UGT1A6: variants seen among roughly 807,000 people sequenced by gnomAD.
The protein encoded by UGT1A6 is UDP glucuronosyltransferase family 1 member A6, also known as UDP-glucuronosyltransferase 1A6.
UGT1A6 carries 32 observed loss-of-function variants against 44.4 expected under a neutral mutation model. The ratio of observed to expected loss-of-function variants is 0.72; its 90% CI spans 0.54 to 0.97. The LOEUF (loss-of-function observed/expected upper bound fraction) is 0.97, where lower values mean the gene tolerates loss of function less well. Ranked by LOEUF, UGT1A6 falls within the 50% of genes least tolerant of loss-of-function variation. UGT1A6 has a pLI of 0.00. For synonymous variants in UGT1A6, 238 were observed against 248.5 expected (o/e 0.96, Z 0.40); for missense variants, 685 against 661.9 (o/e 1.03, Z -0.38).
chr2:233,742,567 C>G (rs1045281711), intron 1 of UGT1A6, among the ~76,000 whole-genome samples: 1 of 151,796 alleles, frequency 6.6e-6, no homozygotes, highest in Non-Finnish European at 1.5e-5. Flanking sequence ...AGCTTCTGGC[C>G]GGAATTGGGG....
intron 1 of UGT1A6, among the ~76,000 whole-genome samples, chr2:233,756,741 C>T (rs1366742518): frequency 6.6e-6 from 1 of 152,100 alleles, no homozygotes; most frequent in Admixed American, 6.6e-5. Context: ...TTCACCTCCT[C>T]CTTATTCTCT....
At chr2:233,742,488 T>A (rs1480874171) in intron 1 of UGT1A6, among the ~76,000 whole-genome samples, 1 of 151,938 alleles carries the variant, frequency 6.6e-6, no homozygotes, top group African/African-American at 2.4e-5. Context: ...ACCTTCAGCA[T>A]AGGCATCATG....
chr2:233,768,064 A>T, intron 3 of UGT1A6, 128 bp downstream of exon 3: 6 of 1,598,982 alleles, frequency 3.8e-6, no homozygotes, highest in Non-Finnish European at 4.3e-6. Context: ...ATTGCTTTTT[A>T]TCTAGTGGGG....
chr2:233,747,463 G>A lies in UGT1A6; in HGVS notation c.862-19571G>A, dbSNP rs564672570. 1.6e-5 allele frequency: 25 copies of A among 1,608,790 alleles called. No homozygotes were observed. The South Asian group carries it at 2.7e-4, about 18-fold the overall frequency. ...ACCCTGACAACCTATGCCATTTCAT[G>A]GACCCAGGATGAATTTGATCGCCTT... On this transcript the variant is annotated intron_variant, in intron 1 of 4. Coordinates refer to ENST00000305139, the MANE Select transcript of UGT1A6 (RefSeq NM_001072.4).
chr2:233,707,127 T>C (rs1043935272), intron 1 of UGT1A6, among the ~76,000 whole-genome samples: 3 of 152,176 alleles, frequency 2.0e-5, no homozygotes, highest in African/African-American at 7.2e-5. Flanking sequence ...TGCATTAGGC[T>C]TTCTATCCCG....
chr2:233,730,715 T>G (rs1367168095), intron 1 of UGT1A6, among the ~76,000 whole-genome samples: 4 of 152,064 alleles, frequency 2.6e-5, no homozygotes, highest in Non-Finnish European at 4.4e-5. Flanking sequence ...AATGCTGAAA[T>G]TATCAAGAAA....
upstream of UGT1A6, chr2:233,691,770 C>T (rs2075056418): frequency 5.4e-6 from 2 of 366,996 alleles, no homozygotes; most frequent in African/African-American, 2.2e-5. Context: ...CTCTAGGATT[C>T]TCACCACGTA....
chr2:233,721,801 A>T, intron 1 of UGT1A6: 1 of 514,724 alleles, frequency 1.9e-6, no homozygotes, highest in Non-Finnish European at 3.9e-6. Context: ...AAGCACATGC[A>T]GCAAAAATCC....
At chr2:233,761,066 T>G in intron 1 of UGT1A6, 1 of 1,614,188 alleles carries the variant, frequency 6.2e-7, no homozygotes, top group Non-Finnish European at 8.5e-7. Context: ...AGAAGTGACT[T>G]TGTGAAGGAT....
rs1174960322 is a variant in UGT1A6 at position 233,769,336 on chromosome 2, A to G, written c.1301+897A>G. 6.6e-6 allele frequency among the ~76,000 whole-genome samples: 1 copy of G among 152,252 alleles called. No individual in the cohort carries two copies. The highest frequency in any genetic ancestry group is 1.9e-4 in the East Asian group (1 of 5,208). ...AGCTCACTGGTAATAGGCTTATTAG[A>G]ACCTTATGGGAAGAAGTGGTGGCCA... On this transcript the variant is annotated intron_variant, in intron 4 of 4. Transcript: ENST00000305139. The surrounding 1 kb of genome is among the most constrained non-coding windows in gnomAD (Gnocchi z 4.4).
intron 1 of UGT1A6, among the ~76,000 whole-genome samples, chr2:233,763,740 G>A (rs752841443): frequency 3.7e-4 from 57 of 152,188 alleles, no homozygotes; most frequent in Non-Finnish European, 5.6e-4. Flanking sequence ...GCATTGGCGT[G>A]TCTTTGGTGT....
chr2:233,729,468 G>A lies in UGT1A6; in HGVS notation c.861+35603G>A, dbSNP rs28898619. ...TTCTGAAGAAATTTTTCAGAAGTAT[G>A]GCAATGTTGAACAATATGTCTTTGG... On this transcript the variant is annotated intron_variant, in intron 1 of 4. Coordinates refer to ENST00000305139, the MANE Select transcript of UGT1A6 (RefSeq NM_001072.4). 1.9e-3 allele frequency: 3,095 copies of A among 1,614,142 alleles called. 65 individuals are homozygous for A. The African/African-American group carries it at 0.037, about 19-fold the overall frequency.
chr2:233,728,923 A>G (rs3806597), intron 1 of UGT1A6, among the ~76,000 whole-genome samples: 83,819 of 152,074 alleles, frequency 0.55, 25,237 homozygotes, highest in African/African-American at 0.81. Flanking sequence ...CAAGATAGTC[A>G]TGATCGGTCT....
chr2:233,762,966 C>T (rs947524337), intron 1 of UGT1A6, among the ~76,000 whole-genome samples: 7 of 152,068 alleles, frequency 4.6e-5, no homozygotes, highest in African/African-American at 1.2e-4. Context: ...GAAAGATGCC[C>T]GTCTTGCTGC....
Position 233,767,897 on chromosome 2 carries a change from A to G in UGT1A6, c.1042A>G (p.Thr348Ala). Residue 348 changes from threonine to alanine, a missense_variant, in exon 3 of 5, where the codon ACG becomes GCG. Thr to Ala is a moderately conservative substitution (Grantham distance 58). Transcript: ENST00000305139. ...CCGACCATCGAATCTTGCGAACAAC[A>G]CGATACTTGTTAAGTGGCTACCCCA... is the stretch of plus-strand genomic sequence containing the variant. The part of the protein sequence containing the change: ...GTRPSNLANN[T>A]ILVKWLPQND... The G allele has an allele frequency of 1.9e-6, 3 of 1,614,178 alleles. No homozygotes were observed. Among genetic ancestry groups the G allele is most frequent in the Non-Finnish European group, 1.7e-6 (2 of 1,180,044 alleles).
At chr2:233,700,177 G>A (rs567551124) in intron 1 of UGT1A6, among the ~76,000 whole-genome samples, 1 of 152,296 alleles carries the variant, frequency 6.6e-6, no homozygotes, top group Admixed American at 6.5e-5. Context: ...GCTCATTCAG[G>A]CTGAAATCTC....
At chr2:233,711,370 A>C (rs1322789825) in intron 1 of UGT1A6, among the ~76,000 whole-genome samples, 1 of 152,234 alleles carries the variant, frequency 6.6e-6, no homozygotes, top group Non-Finnish European at 1.5e-5. Flanking sequence ...GAATGTGGTG[A>C]GAGCACCCTC....
intron 1 of UGT1A6, among the ~76,000 whole-genome samples, chr2:233,744,592 A>ATC (rs938838610): frequency 2.6e-5 from 4 of 151,912 alleles, no homozygotes; most frequent in East Asian, 1.9e-4. Context: ...CAGTTTTTGC[A>ATC]TCTCTCTTTA....
At chr2:233,772,226 G>C (rs1559419626) in intron 4 of UGT1A6, 36 bp from the exon 5 acceptor site, 2 of 1,613,458 alleles carry the variant, frequency 1.2e-6, no homozygotes, top group Non-Finnish European at 1.7e-6. Context: ...CATACCACAG[G>C]TGTTCCAGGC....
Sources: gnomAD v4.1 joint callset for allele counts (sites outside exome capture counted in the v4.1 genomes callset) on GRCh38, gnomAD v4.1.1 for gene constraint, Gnocchi (gnomAD v3.1) non-coding constraint, MANE v1.5 for transcripts, NCBI Gene and HGNC (gene_info 2026-07-23, HGNC 2026-07-21) for gene names.